Variants in CECR2 observed in about 807,000 individuals in gnomAD.
CECR2 encodes CECR2 histone acetyl-lysine reader.
In CECR2, 30 loss-of-function variants were observed where a neutral mutation model predicts 154.5. The ratio of observed to expected loss-of-function variants is 0.19; its 90% CI spans 0.15 to 0.26. The LOEUF (loss-of-function observed/expected upper bound fraction) is 0.26, where lower values mean the gene tolerates loss of function less well. Among genes scored for constraint, CECR2 ranks in the 10% least tolerant of loss-of-function variants. The pLI, the probability that CECR2 is intolerant of heterozygous loss-of-function variation, is 1.00. For missense variants in CECR2, 1,743 were observed against 1,829.3 expected, an observed-to-expected ratio of 0.95 and a Z score of 0.86; for synonymous variants, 725 against 683.7, an observed-to-expected ratio of 1.06 and a Z score of -0.94.
chr22:17,396,019 C>A, intron 1 of CECR2, among the ~76,000 whole-genome samples: 1 of 151,028 alleles, frequency 6.6e-6, no homozygotes, highest in African/African-American at 2.4e-5. Flanking sequence ...GTAGGTGGAT[C>A]ACTTGAGTTT....
chr22:17,470,002 T>TAACAGAGCCTTC (rs1390018825), intron 1 of CECR2, among the ~76,000 whole-genome samples: 2 of 152,188 alleles, frequency 1.3e-5, no homozygotes. Flanking sequence ...GCCTGGCACA[T>TAACAGAGCCTTC]AGTATGCCTT....
At chr22:17,552,738 C>A in intron 18 of CECR2, 97 bp from the exon 19 acceptor site, 5 of 1,144,662 alleles carry the variant, frequency 4.4e-6, no homozygotes, top group Non-Finnish European at 6.1e-6. Flanking sequence ...GCCATTTTCA[C>A]ACATGAGGAG....
chr22:17,460,288 C>T lies in CECR2; in HGVS notation c.127-17300C>T, dbSNP rs1255401195. ...ACAATGGCATGATCTTGGTTCACTA[C>T]AACCTCTGTCTCCTGGGTTCAAGCA... On this transcript the variant is annotated intron_variant, in intron 1 of 18. Transcript: ENST00000262608. Among the ~76,000 whole-genome samples the T allele has an allele frequency of 2.0e-5, 3 of 152,210 alleles. No individual in the cohort carries two copies. The East Asian group carries it at 5.8e-4, about 29-fold the overall frequency.
Position 17,404,364 on chromosome 22 carries a change from C to CCTTTT in CECR2, c.126+34455_126+34456insCTTTT, listed in dbSNP as rs781954770. Reference sequence around the variant, plus strand: ...TGTGGGTTCATTTCTGGACCCTGTTCTTTCTTTTTTTTTTTTTTTTTTTTT... The same window carrying CCTTTT: ...TGTGGGTTCATTTCTGGACCCTGTTCCTTTTTTTCTTTTTTTTTTTTTTTTTTTTT... On this transcript the variant is annotated intron_variant, in intron 1 of 18. Coordinates refer to ENST00000262608, the MANE Select transcript of CECR2 (RefSeq NM_001290047.2). Among the ~76,000 whole-genome samples, 207 of 59,626 alleles carry CCTTTT rather than the reference C, an allele frequency of 3.5e-3. 27 individuals carry two copies. Among genetic ancestry groups the CCTTTT allele is most frequent in the African/African-American group, 0.014 (182 of 13,312 alleles). The allele number at this position is 59,626 out of a possible 152,430, so 39.1% of individuals were successfully genotyped here.
chr22:17,557,710 T>G lies in CECR2; in HGVS notation c.*4870T>G, dbSNP rs927728270. 2.6e-5 allele frequency: 4 copies of G among 152,214 alleles called. No homozygotes were observed. The highest frequency in any genetic ancestry group is 6.5e-5 in the Admixed American group (1 of 15,274). The allele number at this position is 152,214 out of a possible 1,614,324, so 9.4% of individuals were successfully genotyped here. A position where few individuals can be genotyped will look rare whatever the true frequency, so the allele number is the denominator to read the frequency against. On this transcript the variant is annotated 3_prime_UTR_variant, in exon 19 of 19. Coordinates refer to ENST00000262608, the MANE Select transcript of CECR2 (RefSeq NM_001290047.2). ...GGGGTATGGATATTGCATAAGTTAT[T>G]GAAATGCTGACCCCCGTTCAGGAAA...
rs1345457984 is a variant in CECR2, at chr22:17,557,296, GCACCAC to G, written c.*4460_*4465del. On this transcript the variant is annotated 3_prime_UTR_variant, in exon 19 of 19. Coordinates refer to ENST00000262608, the MANE Select transcript of CECR2 (RefSeq NM_001290047.2). ...CCCAAGTAGCTGGGACTACAAGCGC[GCACCAC>G]CACTCCCAGCTAATTTTTGTATTTT... 2.6e-5 allele frequency: 4 copies of G among 151,902 alleles called. No individual in the cohort carries two copies. 9.4% of individuals were successfully genotyped at this position (151,902 alleles called of 1,614,324 possible). A position where few individuals can be genotyped will look rare whatever the true frequency, so the allele number is the denominator to read the frequency against.
At chr22:17,364,589 T>G (rs2062992238), upstream of CECR2, among the ~76,000 whole-genome samples, 1 of 151,642 alleles carries the variant, frequency 6.6e-6, no homozygotes. Context: ...CAAAGTGCTG[T>G]GATCCCAGCA....
chr22:17,431,541 T>G (rs1981533), intron 1 of CECR2, among the ~76,000 whole-genome samples: 79,632 of 152,024 alleles, frequency 0.52, 21,264 homozygotes, highest in African/African-American at 0.62. Flanking sequence ...ATAAAATTAT[T>G]TGCATGTAGA....
intron 7 of CECR2, among the ~76,000 whole-genome samples, chr22:17,505,541 T>TC (rs1230400075): frequency 9.4e-6 from 1 of 106,842 alleles, no homozygotes; most frequent in Non-Finnish European, 2.2e-5. Context: ...TTCCTTTTTT[T>TC]TTTTTTTTTT....
chr22:17,414,663 C>CT lies in CECR2; in HGVS notation c.126+44754_126+44755insT, dbSNP rs569024454. Reference sequence around the variant, plus strand: ...TATGTCTCCTAATGGTATCCCTCCCCCTCCCCCCACCCCACGACTGGCCCT... The same window carrying CT: ...TATGTCTCCTAATGGTATCCCTCCCCTCTCCCCCCACCCCACGACTGGCCCT... On this transcript the variant is annotated intron_variant, in intron 1 of 18. Coordinates refer to ENST00000262608, the MANE Select transcript of CECR2 (RefSeq NM_001290047.2). Among the ~76,000 whole-genome samples the CT allele has an allele frequency of 2.9e-4, 44 of 151,232 alleles. 1 individual carries two copies. The South Asian group carries it at 9.0e-3, about 31-fold the overall frequency.
At chr22:17,482,310 G>C (rs1388985044) in intron 2 of CECR2, among the ~76,000 whole-genome samples, 2 of 151,604 alleles carry the variant, frequency 1.3e-5, no homozygotes, top group African/African-American at 2.4e-5. Flanking sequence ...TGTAGTCCCA[G>C]CTACTCGGGA....
chr22:17,388,334 T>C (rs1161484597), intron 1 of CECR2, among the ~76,000 whole-genome samples: 1 of 152,214 alleles, frequency 6.6e-6, no homozygotes, highest in Non-Finnish European at 1.5e-5. Flanking sequence ...CTGTCTCAAG[T>C]GTTTCTCATG....
intron 9 of CECR2, chr22:17,524,968 C>T: frequency 4.2e-6 from 1 of 238,508 alleles, no homozygotes; most frequent in Non-Finnish European, 8.9e-6. Context: ...TGCCTGCCCA[C>T]ATTAAGGATT....
upstream of CECR2, among the ~76,000 whole-genome samples, chr22:17,365,094 C>T (rs769416349): frequency 6.6e-6 from 1 of 151,086 alleles, no homozygotes; most frequent in East Asian, 2.0e-4. Flanking sequence ...CGTGGTGGTG[C>T]GTGCCTGTAA....
intron 9 of CECR2, 45 bp downstream of exon 9, chr22:17,524,316 A>T: frequency 6.4e-7 from 1 of 1,574,286 alleles, no homozygotes; most frequent in Non-Finnish European, 8.6e-7. Flanking sequence ...ATGTCTGTCG[A>T]CCAGCCGTCC....
intron 2 of CECR2, among the ~76,000 whole-genome samples, chr22:17,479,079 T>A (rs981540837): frequency 6.6e-6 from 1 of 152,252 alleles, no homozygotes; most frequent in African/African-American, 2.4e-5. Context: ...TCCAGTCTGG[T>A]AGCTGACAAG....
intron 1 of CECR2, among the ~76,000 whole-genome samples, chr22:17,406,375 T>G (rs1230082964): frequency 2.0e-5 from 3 of 151,642 alleles, no homozygotes; most frequent in Non-Finnish European, 4.4e-5. Flanking sequence ...ATGCAAAAAT[T>G]AGCCAGGCGT....
At chr22:17,459,041 C>T (rs74522537) in intron 1 of CECR2, among the ~76,000 whole-genome samples, 1,725 of 152,252 alleles carry the variant, frequency 0.011, 29 homozygotes, top group African/African-American at 0.039. Flanking sequence ...AAAGTAAAAG[C>T]GAATCATCCC....
At chr22:17,466,939 G>A (rs563405940) in intron 1 of CECR2, among the ~76,000 whole-genome samples, 8 of 151,980 alleles carry the variant, frequency 5.3e-5, no homozygotes, top group African/African-American at 1.7e-4. Context: ...TCTCTTCCTC[G>A]TTCCCGTATG....
Sources: gnomAD v4.1 joint callset for allele counts (sites outside exome capture counted in the v4.1 genomes callset) on GRCh38, gnomAD v4.1.1 for gene constraint, MANE v1.5 for transcripts, NCBI Gene and HGNC (gene_info 2026-07-23, HGNC 2026-07-21) for gene names.